SLC44A1: variants seen among roughly 807,000 people sequenced by gnomAD.
SLC44A1 encodes solute carrier family 44 member 1.
SLC44A1 carries 26 observed loss-of-function variants against 79.3 expected under a neutral mutation model. The ratio of observed to expected loss-of-function variants is 0.33; its 90% confidence interval spans 0.24 to 0.46. The LOEUF (loss-of-function observed/expected upper bound fraction) is 0.46, where lower values mean the gene tolerates loss of function less well. SLC44A1 is among the 20% of genes least tolerant of loss of function. The probability of loss-of-function intolerance (pLI) is 1.00; values close to 1 mark genes in which losing one functional copy is unlikely to be tolerated. For synonymous variants in SLC44A1, 263 were observed against 286.2 expected (o/e 0.92, Z 0.82); for missense variants, 688 against 798.1 (o/e 0.86, Z 1.66).
intron 11 of SLC44A1, 42 bp downstream of exon 11, chr9:105,365,681 C>A: frequency 7.7e-6 from 12 of 1,563,622 alleles, no homozygotes; most frequent in Non-Finnish European, 1.1e-5. Flanking sequence ...TGGGCACATT[C>A]CAGACCTCAG....
At chr9:105,300,000 A>G in intron 2 of SLC44A1, 1 of 932,782 alleles carries the variant, frequency 1.1e-6, no homozygotes, top group Non-Finnish European at 1.3e-6. Context: ...TCTGACACAG[A>G]CTTCAGTGGC....
At chr9:105,290,452 G>A (rs1414133407) in intron 1 of SLC44A1, among the ~76,000 whole-genome samples, 2 of 152,214 alleles carry the variant, frequency 1.3e-5, no homozygotes, top group African/African-American at 4.8e-5. Flanking sequence ...TGATTCAGGA[G>A]AAAGACAGGT....
At chr9:105,359,920 A>C (rs1827730492) in intron 7 of SLC44A1, among the ~76,000 whole-genome samples, 1 of 152,180 alleles carries the variant, frequency 6.6e-6, no homozygotes, top group Non-Finnish European at 1.5e-5. Context: ...TTAACTCTTG[A>C]GTGCAGATGT....
At chr9:105,421,578 ATC>A (rs1252705650) in intron 15 of SLC44A1, among the ~76,000 whole-genome samples, 25 of 149,162 alleles carry the variant, frequency 1.7e-4, no homozygotes, top group Non-Finnish European at 3.7e-4. Flanking sequence ...GACTTCAGAA[ATC>A]TCTTTTTTTT....
At chr9:105,436,984 A>G (rs749830857) in intron 15 of SLC44A1, among the ~76,000 whole-genome samples, 12 of 152,270 alleles carry the variant, frequency 7.9e-5, no homozygotes, top group Non-Finnish European at 1.6e-4. Flanking sequence ...CCTTCTTCCA[A>G]GTCCAAGCTC....
chr9:105,374,634 T>C lies in SLC44A1; in HGVS notation c.1531T>C (p.Phe511Leu), dbSNP rs1422985576. ...AGCCACAGCTATCAACAGCACCAAC[T>C]TCTGCACCTCAGCAAAGGATGCCTT... is the stretch of plus-strand genomic sequence containing the variant. ...YTATAINSTN[F>L]CTSAKDAFVI... Residue 511 changes from phenylalanine to leucine, a missense_variant, in exon 13 of 16, where the codon TTC becomes CTC. Coordinates refer to ENST00000374720, the MANE Select transcript of SLC44A1 (RefSeq NM_080546.5). The C allele has an allele frequency of 1.2e-6, 2 of 1,614,040 alleles. No homozygotes were observed. Among genetic ancestry groups the C allele is most frequent in the Non-Finnish European group, 1.7e-6 (2 of 1,179,988 alleles).
intron 15 of SLC44A1, chr9:105,385,722 C>T (rs1828610390): frequency 6.1e-6 from 6 of 985,318 alleles, no homozygotes; most frequent in African/African-American, 1.7e-5. Flanking sequence ...AAAGGAACAG[C>T]ATCCTCGTCA....
chr9:105,393,927 C>T lies in SLC44A1; in HGVS notation c.*4871C>T, dbSNP rs1395061016. The T allele has an allele frequency of 1.8e-5, 18 of 983,878 alleles. No homozygotes were observed. The highest frequency in any genetic ancestry group is 6.2e-5 in the Admixed American group (1 of 16,246). 60.9% of individuals were successfully genotyped at this position (983,878 alleles called of 1,614,324 possible). ...TTGAACATGGAAACATTGTAATTTA[C>T]AAATGTCTCAGAAATTTCTCACTTT... On this transcript the variant is annotated 3_prime_UTR_variant, in exon 16 of 16. Coordinates refer to ENST00000374720, the MANE Select transcript of SLC44A1 (RefSeq NM_080546.5).
At chr9:105,400,214 G>T (rs1268310972), downstream of SLC44A1, among the ~76,000 whole-genome samples, 1 of 151,868 alleles carries the variant, frequency 6.6e-6, no homozygotes, top group Non-Finnish European at 1.5e-5. Flanking sequence ...AAGAAGGCTG[G>T]GCGCGGTGGC....
In SLC44A1 at chr9:105,428,789, T is replaced by A. The variant is rs536581913; in HGVS notation, c.1951-9492T>A. 1.7e-3 allele frequency among the ~76,000 whole-genome samples: 256 copies of A among 152,310 alleles called. 2 individuals carry two copies. The highest frequency in any genetic ancestry group is 5.9e-3 in the African/African-American group (247 of 41,576). On this transcript the variant is annotated intron_variant, in intron 15 of 15. Transcript: ENST00000374724. ...ATCTCGGCGCCCTACAGCCTCCGCC[T>A]CCTGGGTTTAAGCGATTCTCCTGCC...
At chr9:105,418,685 A>G (rs545868687) in intron 15 of SLC44A1, among the ~76,000 whole-genome samples, 1 of 152,286 alleles carries the variant, frequency 6.6e-6, no homozygotes, top group East Asian at 1.9e-4. Flanking sequence ...TGATTCCCAA[A>G]GCCAGGCCTT....
At chr9:105,399,219 A>T (rs151239067), downstream of SLC44A1, among the ~76,000 whole-genome samples, 15 of 152,366 alleles carry the variant, frequency 9.8e-5, no homozygotes, top group East Asian at 2.9e-3. Flanking sequence ...AAGCTAAGCT[A>T]TTAGACCATT....
At chr9:105,420,923 T>C (rs1829241155) in intron 15 of SLC44A1, among the ~76,000 whole-genome samples, 1 of 151,258 alleles carries the variant, frequency 6.6e-6, no homozygotes, top group Admixed American at 6.6e-5. Flanking sequence ...TTGTGTTGCT[T>C]TGATGTCCTA....
At chr9:105,362,040 GTGTT>G (rs1478498372) in intron 8 of SLC44A1, among the ~76,000 whole-genome samples, 2 of 151,954 alleles carry the variant, frequency 1.3e-5, no homozygotes, top group East Asian at 3.8e-4. Context: ...ATATATATGT[GTGTT>G]TGTGTGTGCG....
chr9:105,362,280 T>C (rs191098932), intron 8 of SLC44A1, among the ~76,000 whole-genome samples: 4 of 152,284 alleles, frequency 2.6e-5, no homozygotes, highest in East Asian at 1.9e-4. Flanking sequence ...CATAAAACCA[T>C]TGGTGCCAAA....
At chr9:105,294,109 G>T (rs1830664336) in intron 1 of SLC44A1, among the ~76,000 whole-genome samples, 1 of 152,152 alleles carries the variant, frequency 6.6e-6, no homozygotes, top group Non-Finnish European at 1.5e-5. Flanking sequence ...ATTAGAAATT[G>T]TAATTCTGCC....
intron 1 of SLC44A1, among the ~76,000 whole-genome samples, chr9:105,258,524 C>T (rs1829763622): frequency 6.6e-6 from 1 of 152,110 alleles, no homozygotes; most frequent in South Asian, 2.1e-4. Flanking sequence ...CTAGGATCGC[C>T]CAAGTAGTGT....
intron 3 of SLC44A1, among the ~76,000 whole-genome samples, chr9:105,320,322 G>T (rs2131330096): frequency 2.2e-5 from 3 of 135,440 alleles, no homozygotes; most frequent in South Asian, 2.4e-4. Flanking sequence ...TTACTATTGT[G>T]AGTAATACTG....
At chr9:105,334,068 A>T (rs142272912) in intron 3 of SLC44A1, among the ~76,000 whole-genome samples, 93 of 152,268 alleles carry the variant, frequency 6.1e-4, no homozygotes, top group African/African-American at 2.1e-3. Context: ...TTCTACTCAG[A>T]AGTTGCCAGA....
Sources: allele counts gnomAD v4.1 joint callset (sites outside exome capture counted in the v4.1 genomes callset), GRCh38; gene constraint gnomAD v4.1.1; transcripts MANE v1.5; gene names NCBI Gene and HGNC (gene_info 2026-07-23, HGNC 2026-07-21).